ANKRD26: variants seen among roughly 807,000 people sequenced by gnomAD.
ANKRD26 encodes ankyrin repeat domain-containing protein 26.
In ANKRD26, 141 loss-of-function variants were observed where a neutral mutation model predicts 208.7. The observed-to-expected ratio is 0.68, with a 90% CI of 0.59 to 0.78. The LOEUF (loss-of-function observed/expected upper bound fraction) is 0.78, where lower values mean the gene tolerates loss of function less well. Among genes scored for constraint, ANKRD26 ranks in the 30% least tolerant of loss-of-function variants. The pLI, the probability that ANKRD26 is intolerant of heterozygous loss-of-function variation, is 0.00. For synonymous variants in ANKRD26, 636 were observed against 660.4 expected (o/e 0.96, Z 0.57); for missense variants, 1,889 against 1,938.7 (o/e 0.97, Z 0.48).
chr10:26,978,828 A>T (rs1372957559), intron 5 of ANKRD26, among the ~76,000 whole-genome samples: 1 of 152,228 alleles, frequency 6.6e-6, no homozygotes, highest in Non-Finnish European at 1.5e-5. Flanking sequence ...TCTGCTTGTC[A>T]GAGTTCTAGA....
intron 9 of ANKRD26, among the ~76,000 whole-genome samples, chr10:27,075,358 A>T (rs1183522327): frequency 6.6e-6 from 1 of 152,222 alleles, no homozygotes; most frequent in Non-Finnish European, 1.5e-5. Context: ...CACACCTATC[A>T]TGTAAGGATT....
chr10:27,079,992 C>T, intron 6 of ANKRD26: 1 of 304,910 alleles, frequency 3.3e-6, no homozygotes, highest in South Asian at 2.5e-5. Context: ...TCTGTCTCTA[C>T]TAAAAATACA....
chr10:27,047,898 C>T (rs1387936053), intron 17 of ANKRD26, among the ~76,000 whole-genome samples: 1 of 151,914 alleles, frequency 6.6e-6, no homozygotes. Context: ...CGCCTGCCAC[C>T]ATGCCTGCCT....
chr10:27,052,074 C>T (rs1011481922), intron 16 of ANKRD26: 20 of 985,288 alleles, frequency 2.0e-5, no homozygotes, highest in East Asian at 2.3e-4. Context: ...TGAAAGTGGA[C>T]GATTAATTTG....
intron 27 of ANKRD26, among the ~76,000 whole-genome samples, chr10:27,027,182 G>T (rs369067746): frequency 6.6e-6 from 1 of 152,302 alleles, no homozygotes; most frequent in East Asian, 1.9e-4. Flanking sequence ...ATGTCCTGCT[G>T]GAGCAGCCAT....
intron 22 of ANKRD26, 55 bp downstream of exon 22, chr10:27,037,816 T>C: frequency 7.4e-7 from 1 of 1,348,432 alleles, no homozygotes; most frequent in East Asian, 2.5e-5. Flanking sequence ...AAGGATGTGA[T>C]AATAGTGATG....
the ANKRD26 span, among the ~76,000 whole-genome samples, chr10:26,962,159 G>A: frequency 6.6e-6 from 1 of 152,178 alleles, no homozygotes; most frequent in African/African-American, 2.4e-5. Flanking sequence ...GCCAGGGGTG[G>A]TGGCTCATAC....
chr10:26,982,634 G>T (rs2052325125), intron 4 of ANKRD26, among the ~76,000 whole-genome samples: 1 of 151,610 alleles, frequency 6.6e-6, no homozygotes, highest in African/African-American at 2.4e-5. Flanking sequence ...AAGAAAAAAA[G>T]AAAAACAATA....
chr10:27,018,476 ATTGAG>A (rs1414036537), intron 29 of ANKRD26, among the ~76,000 whole-genome samples: 1 of 151,846 alleles, frequency 6.6e-6, no homozygotes, highest in Admixed American at 6.6e-5. Flanking sequence ...CGGACATCCT[ATTGAG>A]TTATTTAGGC....
intron 4 of ANKRD26, chr10:27,088,290 C>T (rs943692717): frequency 6.6e-6 from 1 of 152,276 alleles, no homozygotes; most frequent in Admixed American, 6.5e-5. Context: ...ACACTGTTAG[C>T]AAATAGTAAA....
intron 32 of ANKRD26, among the ~76,000 whole-genome samples, chr10:27,008,183 G>A (rs1156438145): frequency 5.9e-5 from 9 of 152,048 alleles, no homozygotes; most frequent in Non-Finnish European, 8.8e-5. Flanking sequence ...ACTATATAGT[G>A]AGCATAATAG....
chr10:27,031,112 G>T (rs929060253), intron 25 of ANKRD26, among the ~76,000 whole-genome samples: 1 of 152,190 alleles, frequency 6.6e-6, no homozygotes, highest in African/African-American at 2.4e-5. Flanking sequence ...GAATGAATGA[G>T]GCTAGATGAA....
At chr10:27,054,469 C>A (rs1328968882) in intron 15 of ANKRD26, among the ~76,000 whole-genome samples, 1 of 152,024 alleles carries the variant, frequency 6.6e-6, no homozygotes, top group African/African-American at 2.4e-5. Flanking sequence ...CCTGTGATCC[C>A]AGCTACTCGG....
chr10:26,973,217 GAATT>G (rs1199628326), downstream of ANKRD26, among the ~76,000 whole-genome samples: 4 of 152,064 alleles, frequency 2.6e-5, no homozygotes, highest in African/African-American at 7.2e-5. Context: ...AAAATTCTAT[GAATT>G]AATTTGTCAC....
chr10:27,001,965 G>C (rs918719100), downstream of ANKRD26, among the ~76,000 whole-genome samples: 1 of 152,160 alleles, frequency 6.6e-6, no homozygotes, highest in Non-Finnish European at 1.5e-5. Flanking sequence ...ACCCTCTACA[G>C]GGTTGGAGGT....
chr10:27,011,587 G>A (rs1016841988), intron 32 of ANKRD26, among the ~76,000 whole-genome samples: 2 of 151,984 alleles, frequency 1.3e-5, no homozygotes, highest in East Asian at 1.9e-4. Context: ...AAATGAAGTC[G>A]TACTATGAGT....
downstream of ANKRD26, among the ~76,000 whole-genome samples, chr10:26,988,720 C>G (rs1179862123): frequency 6.6e-6 from 1 of 151,884 alleles, no homozygotes; most frequent in Non-Finnish European, 1.5e-5. Flanking sequence ...AAATATTATG[C>G]TATTGTTTAC....
intron 3 of ANKRD26, 57 bp from the exon 4 acceptor site, chr10:27,092,569 C>A (rs2056334895): frequency 7.9e-7 from 1 of 1,268,052 alleles, no homozygotes; most frequent in Non-Finnish European, 1.1e-6. Flanking sequence ...CTCGGCTGAA[C>A]TGAAAACTCT....
intron 22 of ANKRD26, 77 bp from the exon 23 acceptor site, chr10:27,037,400 CA>C: frequency 6.7e-7 from 1 of 1,486,628 alleles, no homozygotes; most frequent in Non-Finnish European, 9.2e-7. Flanking sequence ...AATTTTAAAA[CA>C]AAAAACTTAT....
Sources: gnomAD v4.1 joint callset for allele counts (sites outside exome capture counted in the v4.1 genomes callset) on GRCh38, gnomAD v4.1.1 for gene constraint, MANE v1.5 for transcripts, NCBI Gene and HGNC (gene_info 2026-07-23, HGNC 2026-07-21) for gene names.